The following ZNF488 variants were observed in gnomAD, a reference collection of about 807,000 sequenced individuals.
ZNF488 encodes zinc finger protein 488.
A neutral mutation model predicts 1.2 loss-of-function variants in ZNF488; 1 was observed. The observed-to-expected ratio is 0.86, with a 90% CI of 0.30 to 4.07. The LOEUF (loss-of-function observed/expected upper bound fraction) is 4.07, where lower values mean the gene tolerates loss of function less well. ZNF488 is among the 30% of genes most tolerant of loss of function. ZNF488 has a pLI of 0.18. For missense variants in ZNF488, 450 were observed against 437.9 expected, an observed-to-expected ratio of 1.03 and a Z score of -0.25; for synonymous variants, 185 against 190.1, an observed-to-expected ratio of 0.97 and a Z score of 0.22.
chr10:47,380,878 A>T (rs1328595608), intron 1 of ZNF488, among the ~76,000 whole-genome samples: 1 of 152,268 alleles, frequency 6.6e-6, no homozygotes, highest in African/African-American at 2.4e-5. Flanking sequence ...TGTGGGAAAG[A>T]TTAGAAGGAT....
rs1452161765 is a variant in ZNF488 at position 47,383,699 on chromosome 10, G to A, written c.-109+521C>T. ...TCCAGATCTTTGGATATAATCTGTT[G>A]GAGAAAGGATCTGGGGCTGATGCAT... On this transcript the variant is annotated intron_variant, in intron 1 of 1. Transcript: ENST00000585316. Among the ~76,000 whole-genome samples the A allele has an allele frequency of 3.3e-5, 5 of 152,216 alleles. No homozygotes were observed. In the East Asian group the frequency reaches 7.7e-4, roughly 23 times the overall value.
At chr10:47,373,727 C>T (rs984552462) in intron 1 of ZNF488, among the ~76,000 whole-genome samples, 1 of 152,212 alleles carries the variant, frequency 6.6e-6, no homozygotes, top group African/African-American at 2.4e-5. Flanking sequence ...TCTCCAAGCC[C>T]AAGATGGAGA....
In ZNF488 at chr10:47,368,127, C is replaced by T; in HGVS notation, c.703G>A (p.Gly235Ser). 1 of 1,614,100 alleles carries T rather than the reference C, an allele frequency of 6.2e-7. No individual in the cohort carries two copies. Residue 235 changes from glycine (G) to serine (S), a missense_variant, in exon 2 of 2, where the codon GGT becomes AGT. By Grantham distance (56) the Gly-to-Ser change is moderately conservative. Coordinates refer to ENST00000585316, the MANE Select transcript of ZNF488 (RefSeq NM_153034.4). The part of the protein sequence containing the change: ...QNAPLCSTFL[G>S]APTLWLEHTQ... ...TGCTCCAGCCACAGTGTAGGGGCAC[C>T]CAGAAAAGTGCTACAGAGTGGAGCA... is the stretch of plus-strand genomic sequence containing the variant.
intron 1 of ZNF488, among the ~76,000 whole-genome samples, chr10:47,377,673 A>ACT (rs1222294739): frequency 1.0e-3 from 43 of 41,800 alleles, no homozygotes; most frequent in East Asian, 5.6e-3. Flanking sequence ...AATAACAATC[A>ACT]CACACACACA....
intron 1 of ZNF488, among the ~76,000 whole-genome samples, chr10:47,377,060 C>A (rs968077989): frequency 6.6e-6 from 1 of 152,218 alleles, no homozygotes; most frequent in Non-Finnish European, 1.5e-5. Context: ...GACTGTTGGT[C>A]CCTGGGGAGA....
intron 1 of ZNF488, among the ~76,000 whole-genome samples, chr10:47,369,602 T>C (rs79663760): frequency 0.016 from 2,388 of 152,294 alleles, 60 homozygotes; most frequent in African/African-American, 0.054. Flanking sequence ...ACATGCCCTG[T>C]CAGCTTCTGC....
rs1225297008 is a variant in ZNF488, at chr10:47,367,863, G to C, written c.967C>G (p.Gln323Glu). Reference sequence around the variant, plus strand: ...TGGTGGCGCTCCCGGAAGTGCTCCTGGCACACAGGGCAGGCAAGGGCCTCT... The same window carrying C: ...TGGTGGCGCTCCCGGAAGTGCTCCTCGCACACAGGGCAGGCAAGGGCCTCT... ...REEALACPVCQEHFRERHHLS... is the reference protein window; with the variant it reads ...REEALACPVCEEHFRERHHLS... Residue 323 changes from glutamine (Q) to glutamate (E), a missense_variant, in exon 2 of 2, where the codon CAG (glutamine) becomes GAG (glutamate). Transcript: ENST00000585316. 79 of 1,613,740 alleles carry C rather than the reference G, an allele frequency of 4.9e-5. No homozygotes were observed. Among genetic ancestry groups the C allele is most frequent in the Non-Finnish European group, 6.6e-5 (78 of 1,180,016 alleles).
chr10:47,381,860 A>G (rs1555215513), intron 1 of ZNF488, among the ~76,000 whole-genome samples: 1 of 150,126 alleles, frequency 6.7e-6, no homozygotes, highest in African/African-American at 2.4e-5. Context: ...TGCCATGAAT[A>G]TGACTGAGGA....
Position 47,367,736 on chromosome 10 carries a change from C to G in ZNF488, c.*71G>C. The stretch of plus-strand genomic sequence containing the variant: ...CAAAGGACCATGACAGCCCCCTCAA[C>G]GCAGGCCCAGGGAGCCCCCCTCTGC... On this transcript the variant is annotated 3_prime_UTR_variant, in exon 2 of 2. Transcript: ENST00000585316. 2 of 1,523,396 alleles carry G rather than the reference C, an allele frequency of 1.3e-6. No homozygotes were observed. The highest frequency in any genetic ancestry group is 1.8e-6 in the Non-Finnish European group (2 of 1,131,420). The allele number at this position is 1,523,396 out of a possible 1,614,324, so 94.4% of individuals were successfully genotyped here. A position where few individuals can be genotyped will look rare whatever the true frequency, so the allele number is the denominator to read the frequency against.
chr10:47,374,783 T>C (rs1437555574), intron 1 of ZNF488, among the ~76,000 whole-genome samples: 1 of 151,962 alleles, frequency 6.6e-6, no homozygotes, highest in Non-Finnish European at 1.5e-5. Flanking sequence ...CCACCGTGAG[T>C]GACAGATATC....
chr10:47,380,564 C>G (rs1555215137), intron 1 of ZNF488, among the ~76,000 whole-genome samples: 1 of 152,270 alleles, frequency 6.6e-6, no homozygotes, highest in African/African-American at 2.4e-5. Context: ...GAGATGAAGC[C>G]TCGCCCACCC....
chr10:47,378,223 T>G (rs1288539019), intron 1 of ZNF488, among the ~76,000 whole-genome samples: 1 of 152,230 alleles, frequency 6.6e-6, no homozygotes, highest in Admixed American at 6.5e-5. Flanking sequence ...CCTCCATGGA[T>G]GGACCAGCTT....
At chr10:47,382,229 A>G (rs561655261) in intron 1 of ZNF488, among the ~76,000 whole-genome samples, 1 of 152,392 alleles carries the variant, frequency 6.6e-6, no homozygotes, top group African/African-American at 2.4e-5. Context: ...TGATACAACT[A>G]GAGAATAAAG....
chr10:47,367,714 A>C lies in ZNF488; in HGVS notation c.*93T>G, dbSNP rs1412754123. 6 of 1,419,258 alleles carry C rather than the reference A, an allele frequency of 4.2e-6. No homozygotes were observed. Among genetic ancestry groups the C allele is most frequent in the Non-Finnish European group, 5.7e-6 (6 of 1,046,724 alleles). 87.9% of individuals were successfully genotyped at this position (1,419,258 alleles called of 1,614,324 possible). A position where few individuals can be genotyped will look rare whatever the true frequency, so the allele number is the denominator to read the frequency against. ...AATGCCAAAAGCAGCAGCTCTGCAA[A>C]GGACCATGACAGCCCCCTCAACGCA... On this transcript the variant is annotated 3_prime_UTR_variant, in exon 2 of 2. Transcript: ENST00000585316.
rs1555213072 is a variant in ZNF488 at position 47,367,940 on chromosome 10, T to C, written c.890A>G (p.His297Arg). Residue 297 changes from histidine to arginine, a missense_variant, in exon 2 of 2, where the codon CAC becomes CGC. His to Arg is a conservative substitution (Grantham distance 29, BLOSUM62 0). Coordinates refer to ENST00000585316, the MANE Select transcript of ZNF488 (RefSeq NM_153034.4). ...AGGCCCCGCATGCTCCTTTTTGTGG[T>C]GGGATCGCATGTGAAAGACCAGGTC... ...TSDLVFHMRS[H>R]HKKEHAGPDP... 6.2e-7 allele frequency: 1 copy of C among 1,614,004 alleles called. No homozygotes were observed. The highest frequency in any genetic ancestry group is 8.5e-7 in the Non-Finnish European group (1 of 1,179,998).
At chr10:47,368,972 G>A (rs1555213529) in intron 1 of ZNF488, 35 bp from the exon 2 acceptor site, 9 of 955,630 alleles carry the variant, frequency 9.4e-6, no homozygotes, top group East Asian at 7.7e-5. Context: ...AGTGAGATGG[G>A]CATTCATCAC....
At position 47,366,745 on chromosome 10, in the gene ZNF488, A is replaced by G. The variant is rs1203377673; in HGVS notation, c.*1062T>C. The G allele has an allele frequency of 6.0e-6, 1 of 167,080 alleles. No individual in the cohort carries two copies. The highest frequency in any genetic ancestry group is 1.5e-5 in the Non-Finnish European group (1 of 68,126). The allele number at this position is 167,080 out of a possible 1,614,324, so 10.3% of individuals were successfully genotyped here. The stretch of plus-strand genomic sequence containing the variant: ...ATAAATGGTACCTAGAATGCTCCCC[A>G]GCCTCACGATCTGGAAGCCTAGTTT... On this transcript the variant is annotated 3_prime_UTR_variant, in exon 2 of 2. Coordinates refer to ENST00000585316, the MANE Select transcript of ZNF488 (RefSeq NM_153034.4).
chr10:47,376,493 G>A (rs528213561), intron 1 of ZNF488, among the ~76,000 whole-genome samples: 50 of 152,290 alleles, frequency 3.3e-4, no homozygotes, highest in African/African-American at 1.2e-3. Context: ...AATAAGGAGA[G>A]AGAGTTAGAG....
intron 1 of ZNF488, among the ~76,000 whole-genome samples, chr10:47,372,408 C>T (rs1014847647): frequency 6.6e-6 from 1 of 152,160 alleles, no homozygotes; most frequent in South Asian, 2.1e-4. Context: ...GAGGGACACC[C>T]TCCTGTCAGC....
Sources: gnomAD v4.1 joint callset for allele counts (sites outside exome capture counted in the v4.1 genomes callset) on GRCh38, gnomAD v4.1.1 for gene constraint, MANE v1.5 for transcripts, NCBI Gene and HGNC (gene_info 2026-07-23, HGNC 2026-07-21) for gene names.